The following PRKCE variants were observed in gnomAD, a reference collection of about 807,000 sequenced individuals.
The protein encoded by PRKCE is protein kinase C epsilon, also known as protein kinase C epsilon type.
Under a neutral mutation model 85.4 loss-of-function variants are expected in PRKCE, and 16 were observed. The observed-to-expected ratio is 0.19, with a 90% CI of 0.13 to 0.28. The LOEUF (loss-of-function observed/expected upper bound fraction) is 0.28, where lower values mean the gene tolerates loss of function less well. PRKCE is among the 10% of genes least tolerant of loss of function. The pLI is 1.00. For synonymous variants in PRKCE, 388 were observed against 371.5 expected (o/e 1.04, Z -0.51); for missense variants, 573 against 975.2 (o/e 0.59, Z 5.49).
chr2:46,049,791 G>C lies in PRKCE; in HGVS notation c.1438-36417G>C, dbSNP rs77316248. On this transcript the variant is annotated intron_variant, in intron 10 of 14. Transcript: ENST00000306156. ...GCCCAGTTCCTTGTGTTACACATCA[G>C]TTTAGCTCTTTCTGATACACCATTT... is the stretch of plus-strand genomic sequence containing the variant. 9.8e-3 allele frequency among the ~76,000 whole-genome samples: 1,499 copies of C among 152,258 alleles called. 12 individuals are homozygous for C. Among genetic ancestry groups the C allele is most frequent in the Non-Finnish European group, 0.015 (1,009 of 68,016 alleles).
At chr2:45,927,341 G>A (rs576968817) in intron 2 of PRKCE, among the ~76,000 whole-genome samples, 2 of 152,332 alleles carry the variant, frequency 1.3e-5, no homozygotes, top group South Asian at 4.1e-4. Context: ...ATGCCTCAAT[G>A]TGCCAGGCTC....
At chr2:46,039,556 G>C (rs1708098474) in intron 10 of PRKCE, among the ~76,000 whole-genome samples, 1 of 151,898 alleles carries the variant, frequency 6.6e-6, no homozygotes, top group Non-Finnish European at 1.5e-5. Flanking sequence ...TAGTAGAGGG[G>C]GAGGGGAGAG....
chr2:46,128,019 G>A (rs548619088), intron 11 of PRKCE, among the ~76,000 whole-genome samples: 101 of 152,242 alleles, frequency 6.6e-4, no homozygotes, highest in Non-Finnish European at 1.1e-3. Flanking sequence ...ACTGAGGTAC[G>A]CCCTTTGTGG....
At chr2:45,928,782 T>A (rs1558846017) in intron 2 of PRKCE, among the ~76,000 whole-genome samples, 1 of 152,162 alleles carries the variant, frequency 6.6e-6, no homozygotes, top group African/African-American at 2.4e-5. Context: ...ATGGACTTTT[T>A]TTTTCCTAGA....
At chr2:46,085,499 T>A (rs536601504) in intron 10 of PRKCE, among the ~76,000 whole-genome samples, 16 of 152,058 alleles carry the variant, frequency 1.1e-4, no homozygotes, top group Non-Finnish European at 1.9e-4. Context: ...CTGTTCTCCC[T>A]CCAGAGGTTC....
At chr2:46,014,902 A>G (rs954739480) in intron 10 of PRKCE, among the ~76,000 whole-genome samples, 8 of 152,308 alleles carry the variant, frequency 5.3e-5, no homozygotes, top group South Asian at 4.1e-4. Flanking sequence ...TATTTTTCCA[A>G]TGCTTGAACT....
intron 10 of PRKCE, among the ~76,000 whole-genome samples, chr2:46,025,369 G>C (rs1574267437): frequency 1.3e-5 from 2 of 152,134 alleles, no homozygotes; most frequent in African/African-American, 2.4e-5. Flanking sequence ...ATTTTTTTTA[G>C]TACCTGGTAC....
Position 45,715,248 on chromosome 2 carries a change from G to A in PRKCE, c.348+62800G>A, listed in dbSNP as rs555361638. Among the ~76,000 whole-genome samples, 88 of 152,342 alleles carry A rather than the reference G, an allele frequency of 5.8e-4. 1 individual carries two copies. The highest frequency in any genetic ancestry group is 3.4e-3 in the Middle Eastern group (1 of 294). On this transcript the variant is annotated intron_variant, in intron 1 of 14. Coordinates refer to ENST00000306156, the MANE Select transcript of PRKCE (RefSeq NM_005400.3). ...ACGAGATGCTCCTGGTCCACACAATGGCATCTTTTGCCTCAAACTCTCCCT... is the reference window on the plus strand; with the variant it reads ...ACGAGATGCTCCTGGTCCACACAATAGCATCTTTTGCCTCAAACTCTCCCT...
At chr2:46,172,956 C>T (rs1574665034) in intron 14 of PRKCE, among the ~76,000 whole-genome samples, 1 of 152,316 alleles carries the variant, frequency 6.6e-6, no homozygotes, top group Admixed American at 6.5e-5. Context: ...GGTATCACTA[C>T]CCCCTTGGAG....
chr2:46,125,343 C>T (rs933577070), intron 11 of PRKCE, among the ~76,000 whole-genome samples: 2 of 152,188 alleles, frequency 1.3e-5, no homozygotes, highest in Non-Finnish European at 2.9e-5. Context: ...TCTCTAGAAA[C>T]TCCTTTGTAC....
At chr2:45,744,914 C>T (rs1438564246) in intron 1 of PRKCE, among the ~76,000 whole-genome samples, 1 of 152,142 alleles carries the variant, frequency 6.6e-6, no homozygotes, top group Non-Finnish European at 1.5e-5. Flanking sequence ...CAGCCATTTG[C>T]CTAGTTTTTC....
intron 1 of PRKCE, among the ~76,000 whole-genome samples, chr2:45,680,461 C>T (rs1004488737): frequency 1.2e-4 from 18 of 152,136 alleles, no homozygotes; most frequent in African/African-American, 2.9e-4. Context: ...GCCTTTTAGG[C>T]GCAAACTTGT....
At chr2:46,085,553 G>C (rs976810365) in intron 10 of PRKCE, among the ~76,000 whole-genome samples, 12 of 147,810 alleles carry the variant, frequency 8.1e-5, no homozygotes, top group African/African-American at 3.0e-4. Flanking sequence ...TGCATCCTTT[G>C]GCTTGTGACT....
chr2:46,171,674 T>C (rs1374844395), intron 14 of PRKCE, among the ~76,000 whole-genome samples: 1 of 152,160 alleles, frequency 6.6e-6, no homozygotes, highest in Non-Finnish European at 1.5e-5. Context: ...CACAGCACTC[T>C]CCTCCCTGTG....
chr2:45,814,806 G>A (rs539499403), intron 1 of PRKCE, among the ~76,000 whole-genome samples: 1 of 152,332 alleles, frequency 6.6e-6, no homozygotes, highest in East Asian at 1.9e-4. Context: ...TCTGGAGGGA[G>A]GAGGGAGGGG....
chr2:46,174,031 A>C (rs1410922604), intron 14 of PRKCE, among the ~76,000 whole-genome samples: 6 of 152,256 alleles, frequency 3.9e-5, no homozygotes, highest in Admixed American at 3.9e-4. Flanking sequence ...ATTGTTCAGA[A>C]TGCCTGGCGG....
Position 45,762,827 on chromosome 2 carries a change from A to T in PRKCE, c.349-80173A>T, listed in dbSNP as rs926861986. 6.6e-5 allele frequency among the ~76,000 whole-genome samples: 10 copies of T among 152,216 alleles called. No homozygotes were observed. The East Asian group carries it at 1.9e-3, about 29-fold the overall frequency. On this transcript the variant is annotated intron_variant, in intron 1 of 14. Transcript: ENST00000306156. ...AAGAAAGTGTCAAGCCTAGGATAAA[A>T]AGCTTCTGTGCTGTTGGGGGCCCTC...
intron 14 of PRKCE, among the ~76,000 whole-genome samples, chr2:46,180,053 A>T (rs2166446): frequency 0.029 from 4,447 of 152,292 alleles, 76 homozygotes; most frequent in East Asian, 0.083. Flanking sequence ...AGTTCAACCC[A>T]GTCTCTGCCT....
chr2:46,179,378 G>A (rs937821663), intron 14 of PRKCE, among the ~76,000 whole-genome samples: 2 of 152,000 alleles, frequency 1.3e-5, no homozygotes, highest in African/African-American at 2.4e-5. Flanking sequence ...CACCACAGCC[G>A]CTGAGTCTCT....
Sources: allele counts gnomAD v4.1 joint callset (sites outside exome capture counted in the v4.1 genomes callset), GRCh38; gene constraint gnomAD v4.1.1; transcripts MANE v1.5; gene names NCBI Gene and HGNC (gene_info 2026-07-23, HGNC 2026-07-21).